The following GNPTAB variants were observed in gnomAD, a reference collection of about 807,000 sequenced individuals.
The protein encoded by GNPTAB is N-acetylglucosamine-1-phosphate transferase subunits alpha and beta.
In GNPTAB, 92 loss-of-function variants were observed where a neutral mutation model predicts 136.6. The ratio of observed to expected loss-of-function variants is 0.67; its 90% confidence interval spans 0.57 to 0.80. The LOEUF (loss-of-function observed/expected upper bound fraction) is 0.80. Ranked by LOEUF, GNPTAB falls within the 30% of genes least tolerant of loss-of-function variation. The pLI is 0.00. For missense variants in GNPTAB, 1,343 were observed against 1,501.8 expected (o/e 0.89, Z 1.75); for synonymous variants, 512 against 535.1 (o/e 0.96, Z 0.60).
At chr12:101,789,794 T>G in intron 3 of GNPTAB, 144 bp downstream of exon 3, 1 of 912,414 alleles carries the variant, frequency 1.1e-6, no homozygotes, top group South Asian at 1.3e-5. Context: ...TGTTTTGTTT[T>G]TTAAAAATCA....
At chr12:101,772,582 G>A (rs771004536) in intron 7 of GNPTAB, among the ~76,000 whole-genome samples, 21 of 152,172 alleles carry the variant, frequency 1.4e-4, no homozygotes, top group Non-Finnish European at 2.8e-4. Context: ...CTTAGTGAGT[G>A]CCTGGCACAT....
At chr12:101,747,786 A>G (rs1594198395) in intron 20 of GNPTAB, among the ~76,000 whole-genome samples, 1 of 147,584 alleles carries the variant, frequency 6.8e-6, no homozygotes, top group African/African-American at 2.5e-5. Flanking sequence ...GTATGGCAGG[A>G]GGAAGGAGTT....
chr12:101,757,336 G>T (rs1317066579), intron 17 of GNPTAB, 26 bp from the exon 18 acceptor site: 3 of 1,277,742 alleles, frequency 2.3e-6, no homozygotes, highest in Admixed American at 1.7e-5. Context: ...TATTTGAAGA[G>T]TTTAAATAAT....
At chr12:101,794,762 TTTTC>T (rs1176370188) in intron 2 of GNPTAB, among the ~76,000 whole-genome samples, 6 of 152,110 alleles carry the variant, frequency 3.9e-5, no homozygotes, top group Admixed American at 6.5e-5. Flanking sequence ...AATAAGCTAG[TTTTC>T]TTTCTAAAAG....
At chr12:101,827,188 G>T (rs1871132100) in intron 1 of GNPTAB, among the ~76,000 whole-genome samples, 1 of 151,886 alleles carries the variant, frequency 6.6e-6, no homozygotes, top group Non-Finnish European at 1.5e-5. Flanking sequence ...TAAGTGCAGT[G>T]GTGCAATCAC....
intron 20 of GNPTAB, among the ~76,000 whole-genome samples, chr12:101,747,781 G>A (rs954658834): frequency 6.6e-6 from 1 of 151,356 alleles, no homozygotes; most frequent in Admixed American, 6.6e-5. Flanking sequence ...GGCAGGTATG[G>A]CAGGAGGAAG....
At chr12:101,748,425 C>T (rs1197405581) in intron 20 of GNPTAB, among the ~76,000 whole-genome samples, 1 of 152,194 alleles carries the variant, frequency 6.6e-6, no homozygotes, top group Non-Finnish European at 1.5e-5. Flanking sequence ...GTAAAGATGC[C>T]CATTCCCCTC....
intron 1 of GNPTAB, among the ~76,000 whole-genome samples, chr12:101,808,037 T>C (rs954233582): frequency 2.0e-5 from 3 of 152,084 alleles, no homozygotes; most frequent in African/African-American, 7.2e-5. Context: ...AAGAAATGCG[T>C]AGGCATAACT....
intron 1 of GNPTAB, among the ~76,000 whole-genome samples, chr12:101,801,492 AC>A (rs1323893894): frequency 1.5e-5 from 2 of 130,754 alleles, no homozygotes; most frequent in African/African-American, 5.8e-5. Context: ...GTGAGCATTT[AC>A]TGTGCCACTG....
rs990622910 is a variant in GNPTAB at position 101,757,048 on chromosome 12, T to C, written c.3434+164A>G. The C allele has an allele frequency of 4.3e-5, 25 of 582,034 alleles. No homozygotes were observed. The Admixed American group carries it at 6.9e-4, about 16-fold the overall frequency. The allele number at this position is 582,034 out of a possible 1,614,324, so 36.1% of individuals were successfully genotyped here. A position where few individuals can be genotyped will look rare whatever the true frequency, so the allele number is the denominator to read the frequency against. ...TCATCCCTCTGCATGGGGGACCCTA[T>C]CTCAACTTGCAACTCCTATCTCTCA... On this transcript the variant is annotated intron_variant, in intron 18 of 20. Transcript: ENST00000299314.
intron 7 of GNPTAB, chr12:101,779,731 A>G: frequency 1.3e-5 from 3 of 228,918 alleles, no homozygotes; most frequent in Non-Finnish European, 2.6e-5. Context: ...TTCACACCCT[A>G]AGTTCCATCC....
In GNPTAB at chr12:101,786,279, C is replaced by T. The variant is rs573815129; in HGVS notation, c.366-62G>A. On this transcript the variant is annotated intron_variant, in intron 4 of 20. Transcript: ENST00000299314. ...TTGAAATTTAATCAGCAATGAGAAG[C>T]TTGTCATACTACTAAATTTTTCAGA... 9 of 1,284,546 alleles carry T rather than the reference C, an allele frequency of 7.0e-6. 1 individual carries two copies. In the Admixed American group the frequency reaches 1.4e-4, roughly 20 times the overall value. The allele number at this position is 1,284,546 out of a possible 1,614,324, so 79.6% of individuals were successfully genotyped here.
chr12:101,752,259 A>G (rs1952830803), intron 19 of GNPTAB, among the ~76,000 whole-genome samples: 1 of 152,148 alleles, frequency 6.6e-6, no homozygotes, highest in African/African-American at 2.4e-5. Context: ...CCCTGTCTCT[A>G]CTAAAAATAA....
Position 101,780,625 on chromosome 12 carries a change from C to T in GNPTAB, c.572-4G>A, listed in dbSNP as rs1953328090. 1 of 1,596,578 alleles carries T rather than the reference C, an allele frequency of 6.3e-7. No individual in the cohort carries two copies. Among genetic ancestry groups the T allele is most frequent in the Non-Finnish European group, 8.6e-7 (1 of 1,164,226 alleles). ...AGTCCAGAGTGGGCATCTTCAACTA[C>T]AACCAAGAATACAATAAACAAGCAC... is the stretch of plus-strand genomic sequence containing the variant. On this transcript the variant is annotated splice_polypyrimidine_tract_variant and splice_region_variant and intron_variant, in intron 5 of 20. Coordinates refer to ENST00000299314, the MANE Select transcript of GNPTAB (RefSeq NM_024312.5).
intron 1 of GNPTAB, among the ~76,000 whole-genome samples, chr12:101,798,814 C>T (rs1054874874): frequency 6.6e-6 from 1 of 152,178 alleles, no homozygotes; most frequent in African/African-American, 2.4e-5. Flanking sequence ...AAAAAGTGAT[C>T]TCTCATGTTT....
At chr12:101,815,334 C>T (rs898959332) in intron 1 of GNPTAB, among the ~76,000 whole-genome samples, 2 of 152,158 alleles carry the variant, frequency 1.3e-5, no homozygotes, top group Non-Finnish European at 2.9e-5. Context: ...CCACCATGCC[C>T]GGCCCATAAC....
chr12:101,824,423 TA>T (rs1566103010), intron 1 of GNPTAB, among the ~76,000 whole-genome samples: 112 of 112,854 alleles, frequency 9.9e-4, no homozygotes, highest in African/African-American at 3.0e-3. Context: ...TATATATATA[TA>T]TATATATATT....
At chr12:101,757,094 C>A (rs377191446) in intron 18 of GNPTAB, 118 bp downstream of exon 18, 3 of 653,582 alleles carry the variant, frequency 4.6e-6, no homozygotes, top group Admixed American at 2.6e-5. Flanking sequence ...AGCTCCAACA[C>A]TGCCTGCACT....
In GNPTAB at chr12:101,764,649, A is replaced by T. The variant is rs1413428655; in HGVS notation, c.2268T>A (p.Asp756Glu). The change falls in exon 13 of 21, where the codon GAT (aspartate) becomes GAA (glutamate). Residue 756 changes from aspartate to glutamate, a missense_variant. By Grantham distance (45) the Asp-to-Glu change is conservative. Coordinates refer to ENST00000299314, the MANE Select transcript of GNPTAB (RefSeq NM_024312.5). ...GAGCCACCAAACTGTCATTTGTTTC[A>T]TCTGTTATTATAGCTTGATTTTTTA... ...AKIKNQAIIT[D>E]ETNDSLVAPQ... 6.2e-7 allele frequency: 1 copy of T among 1,613,212 alleles called. No homozygotes were observed. The highest frequency in any genetic ancestry group is 8.5e-7 in the Non-Finnish European group (1 of 1,179,832).
Sources: gnomAD v4.1 joint callset for allele counts (sites outside exome capture counted in the v4.1 genomes callset) on GRCh38, gnomAD v4.1.1 for gene constraint, MANE v1.5 for transcripts, NCBI Gene and HGNC (gene_info 2026-07-23, HGNC 2026-07-21) for gene names.